OPCML: variants seen among roughly 807,000 people sequenced by gnomAD.
The protein encoded by OPCML is opioid-binding protein/cell adhesion molecule.
Under a neutral mutation model 37.8 loss-of-function variants are expected in OPCML, and 13 were observed. That is an observed-to-expected ratio of 0.34 (90% CI 0.22 to 0.55). The LOEUF (loss-of-function observed/expected upper bound fraction) is 0.55. Among genes scored for constraint, OPCML ranks in the 20% least tolerant of loss-of-function variants. The probability of loss-of-function intolerance (pLI) is 0.91; values close to 1 mark genes in which losing one functional copy is unlikely to be tolerated. For missense variants in OPCML, 341 were observed against 435.6 expected (o/e 0.78, Z 1.93); for synonymous variants, 176 against 168.8 (o/e 1.04, Z -0.33).
At chr11:133,021,337 C>T (rs994242983) in intron 1 of OPCML, among the ~76,000 whole-genome samples, 3 of 152,082 alleles carry the variant, frequency 2.0e-5, no homozygotes, top group Admixed American at 6.5e-5. Context: ...CATGAACAGC[C>T]CACCTCAAAC....
intron 1 of OPCML, among the ~76,000 whole-genome samples, chr11:133,081,507 GGA>G: frequency 6.6e-6 from 1 of 152,320 alleles, no homozygotes; most frequent in Admixed American, 6.5e-5. Context: ...CTCTTACACA[GGA>G]CTGTATTTGG....
Position 132,779,789 on chromosome 11 carries a change from T to C in OPCML, c.147-122470A>G, listed in dbSNP as rs376902847. On this transcript the variant is annotated intron_variant, in intron 2 of 7. Coordinates refer to ENST00000524381, the MANE Select transcript of OPCML (RefSeq NM_001012393.5). ...CCACCAACTCTCCATCATTTTGTTT[T>C]ATGGGTACAGAAATGAAAGGGATAC... Among the ~76,000 whole-genome samples, 5 of 152,316 alleles carry C rather than the reference T, an allele frequency of 3.3e-5. No homozygotes were observed. The East Asian group carries it at 9.7e-4, about 29-fold the overall frequency.
chr11:133,524,408 A>G (rs950588327), intron 1 of OPCML, among the ~76,000 whole-genome samples: 2 of 152,182 alleles, frequency 1.3e-5, no homozygotes, highest in African/African-American at 4.8e-5. Flanking sequence ...GCATTTTTGT[A>G]TCTCTAACCC....
chr11:133,304,176 C>G (rs1942853430), intron 1 of OPCML, among the ~76,000 whole-genome samples: 1 of 152,210 alleles, frequency 6.6e-6, no homozygotes, highest in African/African-American at 2.4e-5. Flanking sequence ...GCCAACAGCT[C>G]TAGCATGGGT....
Position 132,943,180 on chromosome 11 carries a change from G to A in OPCML, c.62-170C>T, listed in dbSNP as rs541475663. On this transcript the variant is annotated intron_variant, in intron 1 of 7. Transcript: ENST00000524381. The surrounding 1 kb of genome is among the most constrained non-coding windows in gnomAD (Gnocchi z 4.3). The stretch of plus-strand genomic sequence containing the variant: ...CACCAGCGGGCTCGGGAAGCGGTGC[G>A]GGGAGGAGGGAAGGGGCAGAGTTCG... The A allele has an allele frequency of 5.4e-5, 85 of 1,585,834 alleles. No homozygotes were observed. The South Asian group carries it at 8.8e-4, about 16-fold the overall frequency.
chr11:133,141,516 TG>T (rs1949823565), intron 1 of OPCML, among the ~76,000 whole-genome samples: 1 of 152,156 alleles, frequency 6.6e-6, no homozygotes, highest in Non-Finnish European at 1.5e-5. Flanking sequence ...GTCTTCAGCC[TG>T]TCTCTCTCTC....
intron 2 of OPCML, among the ~76,000 whole-genome samples, chr11:132,871,836 G>A (rs1005562346): frequency 2.6e-5 from 4 of 152,164 alleles, no homozygotes; most frequent in Non-Finnish European, 5.9e-5. Flanking sequence ...TCTCATCAAT[G>A]TATGTATGCC....
rs547684750 is a variant in OPCML at position 133,308,816 on chromosome 11, A to G, written c.61+223448T>C. On this transcript the variant is annotated intron_variant, in intron 1 of 7. Transcript: ENST00000524381. ...ACATTTTGGTGCTGAAAAGTATAAA[A>G]GCAATCTTTAAAAAAGAGAGATGTG... Among the ~76,000 whole-genome samples the G allele has an allele frequency of 1.2e-3, 177 of 152,346 alleles. 2 individuals are homozygous for G. In the South Asian group the frequency reaches 0.022, roughly 19 times the overall value.
intron 1 of OPCML, among the ~76,000 whole-genome samples, chr11:133,168,921 G>C (rs966130076): frequency 6.9e-6 from 1 of 144,632 alleles, no homozygotes; most frequent in East Asian, 2.2e-4. Context: ...CTGAGGTCAG[G>C]AGTTCAAAAC....
chr11:133,161,985 CTTTTTTTTTTTTTTTT>C (rs553617547), intron 1 of OPCML, among the ~76,000 whole-genome samples: 1 of 85,482 alleles, frequency 1.2e-5, no homozygotes, highest in Non-Finnish European at 2.2e-5. Context: ...CAGTCTCTGT[CTTTTTTTTTTTTTTTT>C]TTTTTTTTTG....
At chr11:132,535,542 G>A (rs2096338417) in intron 3 of OPCML, among the ~76,000 whole-genome samples, 1 of 152,178 alleles carries the variant, frequency 6.6e-6, no homozygotes, top group African/African-American at 2.4e-5. Flanking sequence ...TATGTGATGG[G>A]TGTTTGGGGC....
chr11:133,244,472 G>T (rs1014205540), intron 1 of OPCML, among the ~76,000 whole-genome samples: 4 of 152,088 alleles, frequency 2.6e-5, no homozygotes, highest in African/African-American at 9.7e-5. Flanking sequence ...AACACACGGG[G>T]TATAGAACAG....
chr11:133,529,265 C>G (rs1242540393), intron 1 of OPCML, among the ~76,000 whole-genome samples: 1 of 152,218 alleles, frequency 6.6e-6, no homozygotes, highest in Non-Finnish European at 1.5e-5. Context: ...TAACCTGCCT[C>G]TCTCCTCCTA....
At chr11:132,436,371 G>T in intron 6 of OPCML, 134 bp from the exon 7 acceptor site, 1 of 1,559,108 alleles carries the variant, frequency 6.4e-7, no homozygotes, top group Admixed American at 2.0e-5. Context: ...GAGGAGAAGG[G>T]AAATGATGCT....
intron 1 of OPCML, among the ~76,000 whole-genome samples, chr11:133,283,324 C>T (rs1181706922): frequency 1.3e-5 from 2 of 152,022 alleles, no homozygotes; most frequent in Admixed American, 6.6e-5. Context: ...AGTTGTCTAC[C>T]ATTACCAACC....
chr11:132,481,089 A>G (rs1183873925), intron 4 of OPCML, among the ~76,000 whole-genome samples: 1 of 152,236 alleles, frequency 6.6e-6, no homozygotes, highest in Non-Finnish European at 1.5e-5. Context: ...CTTTAAATGT[A>G]AATGGACTAA....
intron 1 of OPCML, among the ~76,000 whole-genome samples, chr11:133,469,246 C>A (rs1947048350): frequency 6.6e-6 from 1 of 152,174 alleles, no homozygotes; most frequent in East Asian, 1.9e-4. Flanking sequence ...TGATAGTGGT[C>A]TCATAATATT....
intron 1 of OPCML, among the ~76,000 whole-genome samples, chr11:133,516,657 T>G (rs1303069481): frequency 6.6e-6 from 1 of 152,030 alleles, no homozygotes; most frequent in Non-Finnish European, 1.5e-5. Flanking sequence ...GGCCTCAGTG[T>G]CCCCAGGGTA....
At chr11:132,498,376 C>T (rs1457403951) in intron 4 of OPCML, among the ~76,000 whole-genome samples, 1 of 152,176 alleles carries the variant, frequency 6.6e-6, no homozygotes, top group Non-Finnish European at 1.5e-5. Context: ...TCCATGCTCC[C>T]TATTTCATTT....
Sources: allele counts gnomAD v4.1 joint callset (sites outside exome capture counted in the v4.1 genomes callset), GRCh38; gene constraint gnomAD v4.1.1; non-coding constraint Gnocchi (gnomAD v3.1); transcripts MANE v1.5; gene names NCBI Gene and HGNC (gene_info 2026-07-23, HGNC 2026-07-21).